Variants in THSD4 observed in about 807,000 individuals in gnomAD.
THSD4 encodes the protein thrombospondin type-1 domain-containing protein 4.
A neutral mutation model predicts 119.0 loss-of-function variants in THSD4; 69 were observed. The ratio of observed to expected loss-of-function variants is 0.58; its 90% CI spans 0.48 to 0.71. The LOEUF is 0.71. Ranked by LOEUF, THSD4 falls within the 30% of genes least tolerant of loss-of-function variation. The probability of loss-of-function intolerance (pLI) is 0.00; values close to 1 mark genes in which losing one functional copy is unlikely to be tolerated. For synonymous variants in THSD4, 524 were observed against 540.4 expected, an observed-to-expected ratio of 0.97 and a Z score of 0.42; for missense variants, 1,393 against 1,391.1, an observed-to-expected ratio of 1.00 and a Z score of -0.02.
In THSD4 at chr15:71,301,238, A is replaced by T. The variant is rs12101426; in HGVS notation, c.1015+44523A>T. On this transcript the variant is annotated intron_variant, in intron 6 of 17. Transcript: ENST00000261862. ...AATATTTTGTTCTACACATTATTTA[A>T]TTTTTTAACAAAACCTATGTATATA... is the stretch of plus-strand genomic sequence containing the variant. 4.4e-3 allele frequency among the ~76,000 whole-genome samples: 673 copies of T among 152,308 alleles called. 3 individuals carry two copies. Among genetic ancestry groups the T allele is most frequent in the African/African-American group, 0.014 (576 of 41,542 alleles).
chr15:71,194,491 G>T (rs74532471), intron 3 of THSD4, among the ~76,000 whole-genome samples: 1,769 of 152,260 alleles, frequency 0.012, 23 homozygotes, highest in Non-Finnish European at 0.015. Flanking sequence ...GCCCCTCTGG[G>T]CACCTGTGGG....
intron 7 of THSD4, among the ~76,000 whole-genome samples, chr15:71,515,593 A>T (rs2048348849): frequency 6.6e-6 from 1 of 152,190 alleles, no homozygotes; most frequent in Non-Finnish European, 1.5e-5. Context: ...ACATTCAATA[A>T]ATCTTCGGCT....
At chr15:71,111,748 C>T (rs558918122), upstream of THSD4, 3 of 520,324 alleles carry the variant, frequency 5.8e-6, no homozygotes, top group East Asian at 3.2e-5. Flanking sequence ...ATGCTAGCAA[C>T]GTAGGGAATT....
chr15:71,226,775 A>G (rs1164463064), intron 4 of THSD4, among the ~76,000 whole-genome samples: 1 of 152,202 alleles, frequency 6.6e-6, no homozygotes, highest in Non-Finnish European at 1.5e-5. Context: ...ACATAGCAAG[A>G]AGTGAAATCT....
intron 7 of THSD4, among the ~76,000 whole-genome samples, chr15:71,432,259 C>T (rs1566980417): frequency 6.6e-6 from 1 of 152,026 alleles, no homozygotes; most frequent in African/African-American, 2.4e-5. Context: ...CTGGAATGTT[C>T]AAAAGTAGTT....
At chr15:71,413,036 A>C (rs759961312) in intron 7 of THSD4, among the ~76,000 whole-genome samples, 3 of 151,732 alleles carry the variant, frequency 2.0e-5, no homozygotes, top group Non-Finnish European at 2.9e-5. Context: ...TTTGAGATGG[A>C]GTTTCACTCT....
At chr15:71,247,458 T>C (rs913215163) in intron 5 of THSD4, among the ~76,000 whole-genome samples, 2 of 152,312 alleles carry the variant, frequency 1.3e-5, no homozygotes, top group African/African-American at 4.8e-5. Context: ...TAAAAAGGCA[T>C]TAACAGTGCA....
At chr15:71,763,814 C>G (rs1304695865) in intron 15 of THSD4, among the ~76,000 whole-genome samples, 1 of 152,102 alleles carries the variant, frequency 6.6e-6, no homozygotes, top group Non-Finnish European at 1.5e-5. Flanking sequence ...CCTGTAATCC[C>G]AGCACTTTGA....
chr15:71,585,204 T>C (rs1426989832), intron 7 of THSD4, among the ~76,000 whole-genome samples: 2 of 152,376 alleles, frequency 1.3e-5, no homozygotes, highest in East Asian at 3.9e-4. Context: ...AGTTTTCATA[T>C]TGCTAATTCG....
At chr15:71,447,977 C>G (rs2047210380) in intron 7 of THSD4, among the ~76,000 whole-genome samples, 1 of 152,166 alleles carries the variant, frequency 6.6e-6, no homozygotes. Flanking sequence ...TGTGGCTTTT[C>G]CTCTGGTAAA....
Position 71,371,283 on chromosome 15 carries a change from A to C in THSD4, c.1016-40404A>C, listed in dbSNP as rs894220378. 2.0e-5 allele frequency among the ~76,000 whole-genome samples: 3 copies of C among 152,262 alleles called. No homozygotes were observed. The South Asian group carries it at 6.2e-4, about 32-fold the overall frequency. On this transcript the variant is annotated intron_variant, in intron 6 of 17. Transcript: ENST00000261862. ...GTAGCATTTAGCCCATTTACATTTA[A>C]GGTTAATATTGTTATGTATGAATTT...
At chr15:71,717,142 G>A (rs1010009799) in intron 8 of THSD4, among the ~76,000 whole-genome samples, 2 of 152,138 alleles carry the variant, frequency 1.3e-5, no homozygotes, top group African/African-American at 2.4e-5. Flanking sequence ...GGCCTTCTTG[G>A]CTTCTGGTGT....
intron 6 of THSD4, among the ~76,000 whole-genome samples, chr15:71,260,864 G>A (rs767788802): frequency 1.3e-5 from 2 of 152,208 alleles, no homozygotes; most frequent in Non-Finnish European, 2.9e-5. Flanking sequence ...ACTTTGGGAG[G>A]CTGAGGCAGG....
intron 11 of THSD4, among the ~76,000 whole-genome samples, chr15:71,744,074 A>G (rs954980669): frequency 2.0e-5 from 3 of 151,196 alleles, no homozygotes; most frequent in Non-Finnish European, 4.4e-5. Flanking sequence ...TTCTCACGTT[A>G]TAAACGTCCA....
At chr15:71,414,962 A>G (rs2046739292) in intron 7 of THSD4, among the ~76,000 whole-genome samples, 1 of 152,198 alleles carries the variant, frequency 6.6e-6, no homozygotes, top group Non-Finnish European at 1.5e-5. Context: ...TCCCAGGCTG[A>G]ACTTCTGTTT....
chr15:71,512,154 G>A (rs2048292788), intron 7 of THSD4, among the ~76,000 whole-genome samples: 1 of 152,154 alleles, frequency 6.6e-6, no homozygotes, highest in African/African-American at 2.4e-5. Flanking sequence ...TATGCCTAAT[G>A]TGTTCTTCTT....
At chr15:71,135,286 C>T (rs928406306) in intron 1 of THSD4, among the ~76,000 whole-genome samples, 8 of 148,796 alleles carry the variant, frequency 5.4e-5, no homozygotes, top group African/African-American at 9.9e-5. Context: ...GTTGGTGCAG[C>T]GCACCAGCAT....
intron 8 of THSD4, among the ~76,000 whole-genome samples, chr15:71,665,228 C>T (rs931955986): frequency 1.3e-5 from 2 of 152,162 alleles, no homozygotes; most frequent in African/African-American, 4.8e-5. Flanking sequence ...TTTTGATTTG[C>T]ATTTCTCTAA....
intron 8 of THSD4, among the ~76,000 whole-genome samples, chr15:71,663,299 G>T (rs552729485): frequency 2.0e-5 from 3 of 152,060 alleles, no homozygotes; most frequent in Admixed American, 6.6e-5. Context: ...GATTCAAAAA[G>T]TCAAGTTCAA....
Sources: allele counts gnomAD v4.1 joint callset (sites outside exome capture counted in the v4.1 genomes callset), GRCh38; gene constraint gnomAD v4.1.1; transcripts MANE v1.5; gene names NCBI Gene and HGNC (gene_info 2026-07-23, HGNC 2026-07-21).